The following NUP214 variants were observed in gnomAD, a reference collection of about 807,000 sequenced individuals.
NUP214 encodes the protein nuclear pore complex protein Nup214.
Under a neutral mutation model 196.2 loss-of-function variants are expected in NUP214, and 79 were observed. The observed-to-expected ratio is 0.40, with a 90% CI of 0.34 to 0.49. The LOEUF (loss-of-function observed/expected upper bound fraction) is 0.49, where lower values mean the gene tolerates loss of function less well. Ranked by LOEUF, NUP214 falls within the 20% of genes least tolerant of loss-of-function variation. The pLI, the probability that NUP214 is intolerant of heterozygous loss-of-function variation, is 0.58. For missense variants in NUP214, 2,468 were observed against 2,539.0 expected (o/e 0.97, Z 0.60); for synonymous variants, 1,020 against 990.5 (o/e 1.03, Z -0.56).
At chr9:131,164,021 CTG>C (rs768976718) in intron 20 of NUP214, 38 bp from the exon 21 acceptor site, 4 of 1,613,000 alleles carry the variant, frequency 2.5e-6, no homozygotes, top group Non-Finnish European at 2.5e-6. Context: ...ATCTTAAAAA[CTG>C]AGTCTTAATC....
At chr9:131,191,995 A>G (rs937395452) in intron 26 of NUP214, 3 of 430,662 alleles carry the variant, frequency 7.0e-6, no homozygotes, top group Non-Finnish European at 1.2e-5. Context: ...TGGAATTAAC[A>G]TTGACAGAGC....
chr9:131,143,328 T>TC (rs1309642084), intron 11 of NUP214, among the ~76,000 whole-genome samples: 1 of 152,184 alleles, frequency 6.6e-6, no homozygotes, highest in African/African-American at 2.4e-5. Flanking sequence ...CTTTTTTTTT[T>TC]CTTTTTAACC....
At chr9:131,144,232 TC>T in intron 11 of NUP214, 47 bp from the exon 12 acceptor site, 1 of 1,385,304 alleles carries the variant, frequency 7.2e-7, no homozygotes, top group South Asian at 1.3e-5. Context: ...TATGTGAACC[TC>T]CACTGTTACA....
rs202135305 is a variant in NUP214, at chr9:131,125,660, C to A, written c.-45C>A. 6.5e-7 allele frequency: 1 copy of A among 1,545,274 alleles called. No individual in the cohort carries two copies. The highest frequency in any genetic ancestry group is 8.7e-7 in the Non-Finnish European group (1 of 1,143,716). On this transcript the variant is annotated 5_prime_UTR_variant, in exon 1 of 36. Transcript: ENST00000359428. This position sits in a 1 kb window ranked among gnomAD's most constrained non-coding sequence, Gnocchi z 4.1. ...GCGGCCTGGGTTCCGTGGGCAAGGC[C>A]GTGGGAGGCAGCGTTGGCTGCTTCG...
At chr9:131,222,992 C>CTA in intron 32 of NUP214, 62 bp downstream of exon 32, 1 of 1,516,636 alleles carries the variant, frequency 6.6e-7, no homozygotes, top group Non-Finnish European at 9.0e-7. Context: ...GCATAGATAT[C>CTA]TGGAAGGAGA....
intron 32 of NUP214, among the ~76,000 whole-genome samples, chr9:131,224,005 A>T (rs1480047513): frequency 6.6e-6 from 1 of 151,712 alleles, no homozygotes; most frequent in Non-Finnish European, 1.5e-5. Flanking sequence ...ACGTGCTGGG[A>T]TTACAGGCGT....
At chr9:131,195,131 C>T (rs1257065313) in intron 27 of NUP214, 102 bp from the exon 28 acceptor site, 14 of 802,670 alleles carry the variant, frequency 1.7e-5, no homozygotes, top group Non-Finnish European at 2.9e-5. Flanking sequence ...ATTGTAAATT[C>T]CTGAGGGCGG....
At chr9:131,128,191 AGATTTATCTGTATAACT>A in intron 2 of NUP214, 124 bp from the exon 3 acceptor site, 1 of 584,640 alleles carries the variant, frequency 1.7e-6, no homozygotes, top group Non-Finnish European at 2.9e-6. Context: ...AAGAAAGTTA[AGATTTATCTGTATAACT>A]AGGTATTGGG....
chr9:131,169,606 C>T (rs914416990), intron 21 of NUP214, among the ~76,000 whole-genome samples: 2 of 152,306 alleles, frequency 1.3e-5, no homozygotes, highest in Admixed American at 6.5e-5. Flanking sequence ...ATGGCAAACA[C>T]GTATAAAGAA....
intron 7 of NUP214, among the ~76,000 whole-genome samples, chr9:131,134,387 C>T (rs540888529): frequency 6.6e-6 from 1 of 151,986 alleles, no homozygotes; most frequent in East Asian, 1.9e-4. Flanking sequence ...CAATTTGATA[C>T]TTGAAAAAGA....
At chr9:131,203,237 A>G (rs113302945) in intron 30 of NUP214, among the ~76,000 whole-genome samples, 7,194 of 152,200 alleles carry the variant, frequency 0.047, 265 homozygotes, top group African/African-American at 0.1. Flanking sequence ...GAGCCACTGT[A>G]CCCAGCCAAT....
At chr9:131,175,975 ATC>A (rs778413776) in intron 23 of NUP214, among the ~76,000 whole-genome samples, 16 of 152,094 alleles carry the variant, frequency 1.1e-4, no homozygotes, top group Non-Finnish European at 2.2e-4. Flanking sequence ...CACTAGCGTC[ATC>A]TCTTAGTATC....
chr9:131,158,009 C>G (rs527360216), intron 17 of NUP214, among the ~76,000 whole-genome samples: 5 of 152,256 alleles, frequency 3.3e-5, no homozygotes, highest in African/African-American at 1.2e-4. Context: ...TCTCGAGCTC[C>G]TGACCTCGAG....
intron 6 of NUP214, 61 bp from the exon 7 acceptor site, chr9:131,133,045 C>A (rs938936455): frequency 7.8e-7 from 1 of 1,288,324 alleles, no homozygotes; most frequent in Admixed American, 1.8e-5. Context: ...ACATAAGCTG[C>A]TTTTTCTTGT....
intron 30 of NUP214, among the ~76,000 whole-genome samples, chr9:131,207,293 G>C (rs1834113401): frequency 6.6e-6 from 1 of 152,206 alleles, no homozygotes; most frequent in Non-Finnish European, 1.5e-5. Flanking sequence ...CATAACTTCA[G>C]ATGGACTTAG....
At chr9:131,145,634 T>C (rs1268789313) in intron 12 of NUP214, among the ~76,000 whole-genome samples, 2 of 152,242 alleles carry the variant, frequency 1.3e-5, no homozygotes, top group African/African-American at 4.8e-5. Context: ...ACTTTTGCTC[T>C]TTAGGTGGAA....
At chr9:131,139,519 C>A in intron 10 of NUP214, 112 bp downstream of exon 10, 2 of 1,454,372 alleles carry the variant, frequency 1.4e-6, no homozygotes, top group Non-Finnish European at 9.2e-7. Context: ...GCACTTGTAG[C>A]TTCTGGCAGC....
At chr9:131,186,246 T>G (rs372366892) in intron 24 of NUP214, among the ~76,000 whole-genome samples, 1 of 152,360 alleles carries the variant, frequency 6.6e-6, no homozygotes, top group African/African-American at 2.4e-5. Flanking sequence ...TATAGCTGCT[T>G]CTGGCTTCAG....
At chr9:131,196,680 G>A (rs1022879309) in intron 28 of NUP214, among the ~76,000 whole-genome samples, 3 of 152,166 alleles carry the variant, frequency 2.0e-5, no homozygotes, top group East Asian at 1.9e-4. Context: ...CCATGTCCTT[G>A]ACCACCAGAC....
Sources: allele counts gnomAD v4.1 joint callset (sites outside exome capture counted in the v4.1 genomes callset), GRCh38; gene constraint gnomAD v4.1.1; non-coding constraint Gnocchi (gnomAD v3.1); transcripts MANE v1.5; gene names NCBI Gene and HGNC (gene_info 2026-07-23, HGNC 2026-07-21).